CALHM5: variants seen among roughly 807,000 people sequenced by gnomAD.
CALHM5 encodes calcium homeostasis modulator family member 5.
A neutral mutation model predicts 20.9 loss-of-function variants in CALHM5; 17 were observed. That is an observed-to-expected ratio of 0.82 (90% CI 0.56 to 1.22). The LOEUF (loss-of-function observed/expected upper bound fraction) is 1.22. CALHM5 is among the 50% of genes most tolerant of loss of function. The pLI, the probability that CALHM5 is intolerant of heterozygous loss-of-function variation, is 0.00. For synonymous variants in CALHM5, 148 were observed against 140.0 expected, an observed-to-expected ratio of 1.06 and a Z score of -0.40; for missense variants, 360 against 364.6, an observed-to-expected ratio of 0.99 and a Z score of 0.10.
chr6:116,511,786 T>C lies in CALHM5; in HGVS notation c.90T>C (p.Ser30=). Residue 30 remains serine, a synonymous_variant, in exon 1 of 2, where the codon AGT becomes AGC. Coordinates refer to ENST00000368599, the MANE Select transcript of CALHM5 (RefSeq NM_153711.5). ...TCATGGCTCTGCTGACCGTGGGAAGTGAGCGTCTCTTTTCTGTTGTGGCTT... is the reference window on the plus strand; with the variant it reads ...TCATGGCTCTGCTGACCGTGGGAAGCGAGCGTCTCTTTTCTGTTGTGGCTT... The part of the protein sequence containing the change: ...YSFMALLTVG[S]ERLFSVVAFK... The C allele has an allele frequency of 3.7e-6, 6 of 1,614,108 alleles. No individual in the cohort carries two copies. Among genetic ancestry groups the C allele is most frequent in the Non-Finnish European group, 5.1e-6 (6 of 1,179,986 alleles).
At position 116,523,699 on chromosome 6, in the gene CALHM5, C is replaced by T. The variant is rs1583274506; in HGVS notation, c.*7710C>T. 2 of 152,146 alleles carry T rather than the reference C, an allele frequency of 1.3e-5. No individual in the cohort carries two copies. The highest frequency in any genetic ancestry group is 2.9e-5 in the Non-Finnish European group (2 of 68,024). The allele number at this position is 152,146 out of a possible 1,614,324, so 9.4% of individuals were successfully genotyped here. ...AGGCAAGAATAAGTACATAGTATCA[C>T]ATGTGAAATATTGTTTCCTAAGAAG... On this transcript the variant is annotated 3_prime_UTR_variant, in exon 2 of 2. Coordinates refer to ENST00000368599, the MANE Select transcript of CALHM5 (RefSeq NM_153711.5).
chr6:116,522,561 G>A lies in CALHM5; in HGVS notation c.*6572G>A, dbSNP rs1325187298. 1 of 152,180 alleles carries A rather than the reference G, an allele frequency of 6.6e-6. No individual in the cohort carries two copies. Among genetic ancestry groups the A allele is most frequent in the African/African-American group, 2.4e-5 (1 of 41,458 alleles). 9.4% of individuals were successfully genotyped at this position (152,180 alleles called of 1,614,324 possible). A position where few individuals can be genotyped will look rare whatever the true frequency, so the allele number is the denominator to read the frequency against. ...AGCATGATTTGATAGATGCTGATAA[G>A]TAGGTCTCTAAAATCTCTCCACCAA... On this transcript the variant is annotated 3_prime_UTR_variant, in exon 2 of 2. Coordinates refer to ENST00000368599, the MANE Select transcript of CALHM5 (RefSeq NM_153711.5).
rs771518306 is a variant in CALHM5 at position 116,512,066 on chromosome 6, T to C, written c.370T>C (p.Phe124Leu). 6.2e-7 allele frequency: 1 copy of C among 1,614,004 alleles called. No homozygotes were observed. The highest frequency in any genetic ancestry group is 2.2e-5 in the East Asian group (1 of 44,870). The change falls in exon 1 of 2, where the codon TTC (phenylalanine) becomes CTC (leucine). Residue 124 changes from phenylalanine to leucine, a missense_variant. Coordinates refer to ENST00000368599, the MANE Select transcript of CALHM5 (RefSeq NM_153711.5). ...WLSVALLNGT[F>L]YECAMSGTRS... Reference sequence around the variant, plus strand: ...TTCTGTGGCTCTGCTCAATGGAACTTTCTATGAATGTGCCATGAGCGGGAC... The same window carrying C: ...TTCTGTGGCTCTGCTCAATGGAACTCTCTATGAATGTGCCATGAGCGGGAC...
rs1772363237 is a variant in CALHM5, at chr6:116,522,447, C to T, written c.*6458C>T. 1 of 152,168 alleles carries T rather than the reference C, an allele frequency of 6.6e-6. No homozygotes were observed. The highest frequency in any genetic ancestry group is 1.5e-5 in the Non-Finnish European group (1 of 68,022). 9.4% of individuals were successfully genotyped at this position (152,168 alleles called of 1,614,324 possible). On this transcript the variant is annotated 3_prime_UTR_variant, in exon 2 of 2. Coordinates refer to ENST00000368599, the MANE Select transcript of CALHM5 (RefSeq NM_153711.5). ...AAATTACAGGCAAATTGTATTTATA[C>T]ATTTATACATTCTCCCTATGCATAG... is the stretch of plus-strand genomic sequence containing the variant.
rs1294775116 is a variant in CALHM5 at position 116,522,768 on chromosome 6, C to T, written c.*6779C>T. On this transcript the variant is annotated 3_prime_UTR_variant, in exon 2 of 2. Coordinates refer to ENST00000368599, the MANE Select transcript of CALHM5 (RefSeq NM_153711.5). Reference sequence around the variant, plus strand: ...GCTGGAAAGAGATTGTTCTTCTAGTCGTCTCTCAAAATGTTATCTTCAGAC... The same window carrying T: ...GCTGGAAAGAGATTGTTCTTCTAGTTGTCTCTCAAAATGTTATCTTCAGAC... The T allele has an allele frequency of 1.3e-5, 2 of 152,078 alleles. No homozygotes were observed. The highest frequency in any genetic ancestry group is 2.9e-5 in the Non-Finnish European group (2 of 68,020). 9.4% of individuals were successfully genotyped at this position (152,078 alleles called of 1,614,324 possible). A position where few individuals can be genotyped will look rare whatever the true frequency, so the allele number is the denominator to read the frequency against.
rs899583170 is a variant in CALHM5 at position 116,518,008 on chromosome 6, C to G, written c.*2019C>G. 3 of 152,464 alleles carry G rather than the reference C, an allele frequency of 2.0e-5. No individual in the cohort carries two copies. The highest frequency in any genetic ancestry group is 2.9e-5 in the Non-Finnish European group (2 of 68,150). The allele number at this position is 152,464 out of a possible 1,614,324, so 9.4% of individuals were successfully genotyped here. On this transcript the variant is annotated 3_prime_UTR_variant, in exon 2 of 2. Coordinates refer to ENST00000368599, the MANE Select transcript of CALHM5 (RefSeq NM_153711.5). ...CGTGGAAGCTCCGTGCCCCTTCCCC[C>G]AAACCTGTTCCTGTGCCTCCATCTG... is the stretch of plus-strand genomic sequence containing the variant.
In CALHM5 at chr6:116,519,195, G is replaced by C. The variant is rs1772285527; in HGVS notation, c.*3206G>C. On this transcript the variant is annotated 3_prime_UTR_variant, in exon 2 of 2. Transcript: ENST00000368599. Reference sequence around the variant, plus strand: ...GAGGCTGCGCCTGACACAGGGAGCTGTGTATACATGATTTATTAAAAGGAA... The same window carrying C: ...GAGGCTGCGCCTGACACAGGGAGCTCTGTATACATGATTTATTAAAAGGAA... The C allele has an allele frequency of 6.6e-6, 1 of 152,222 alleles. No homozygotes were observed. The allele number at this position is 152,222 out of a possible 1,614,324, so 9.4% of individuals were successfully genotyped here.
chr6:116,511,816 G>C lies in CALHM5; in HGVS notation c.120G>C (p.Lys40Asn). ...SERLFSVVAF[K>N]CPCSTENMTY... The stretch of plus-strand genomic sequence containing the variant: ...GTCTCTTTTCTGTTGTGGCTTTTAA[G>C]TGCCCCTGCAGCACTGAGAATATGA... Residue 40 changes from lysine to asparagine, a missense_variant, in exon 1 of 2, where the codon AAG becomes AAC. Physicochemically the swap from Lys to Asn is moderately conservative, Grantham distance 94. Coordinates refer to ENST00000368599, the MANE Select transcript of CALHM5 (RefSeq NM_153711.5). The C allele has an allele frequency of 2.5e-6, 4 of 1,614,066 alleles. No individual in the cohort carries two copies. Among genetic ancestry groups the C allele is most frequent in the Non-Finnish European group, 3.4e-6 (4 of 1,179,996 alleles).
Position 116,515,754 on chromosome 6 carries a change from A to G in CALHM5, c.695A>G (p.Asp232Gly), listed in dbSNP as rs1772211122. The G allele has an allele frequency of 1.9e-6, 3 of 1,613,858 alleles. No individual in the cohort carries two copies. In the Admixed American group the frequency reaches 5.0e-5, roughly 27 times the overall value. ...GAGCAGTTGGAAAATACATTTCTGG[A>G]CTATGCCAACAAGCTGAGCGAGAGG... ...EKEQLENTFL[D>G]YANKLSERNL... The change falls in exon 2 of 2, where the codon GAC becomes GGC. Residue 232 changes from aspartate (D) to glycine (G), a missense_variant. By Grantham distance (94) the Asp-to-Gly change is moderately conservative. Coordinates refer to ENST00000368599, the MANE Select transcript of CALHM5 (RefSeq NM_153711.5).
In CALHM5 at chr6:116,519,833, A is replaced by G. The variant is rs1772297229; in HGVS notation, c.*3844A>G. 2.6e-5 allele frequency: 4 copies of G among 152,198 alleles called. No individual in the cohort carries two copies. Among genetic ancestry groups the G allele is most frequent in the Admixed American group, 2.6e-4 (4 of 15,274 alleles). 9.4% of individuals were successfully genotyped at this position (152,198 alleles called of 1,614,324 possible). A position where few individuals can be genotyped will look rare whatever the true frequency, so the allele number is the denominator to read the frequency against. On this transcript the variant is annotated 3_prime_UTR_variant, in exon 2 of 2. Transcript: ENST00000368599. ...TCCCATGAATAAATTGTGTACACATATATATATGATTCTTTTGTTTTTCCT... is the reference window on the plus strand; with the variant it reads ...TCCCATGAATAAATTGTGTACACATGTATATATGATTCTTTTGTTTTTCCT...
At position 116,516,156 on chromosome 6, in the gene CALHM5, G is replaced by T; in HGVS notation, c.*167G>T. The T allele has an allele frequency of 1.2e-6, 1 of 850,184 alleles. No individual in the cohort carries two copies. The highest frequency in any genetic ancestry group is 1.7e-6 in the Non-Finnish European group (1 of 596,932). 52.7% of individuals were successfully genotyped at this position (850,184 alleles called of 1,614,324 possible). On this transcript the variant is annotated 3_prime_UTR_variant, in exon 2 of 2. Coordinates refer to ENST00000368599, the MANE Select transcript of CALHM5 (RefSeq NM_153711.5). ...TTTGAAGCTCTCAAGTGGAACATCA[G>T]GATGTGCTCAAATTGATGCTGAGGG...
At chr6:116,513,600 A>C (rs1443870446) in intron 1 of CALHM5, among the ~76,000 whole-genome samples, 1 of 152,198 alleles carries the variant, frequency 6.6e-6, no homozygotes, top group Admixed American at 6.5e-5. Flanking sequence ...CAGAATGAGA[A>C]GGACCTGGGG....
At chr6:116,513,399 A>G (rs900129897) in intron 1 of CALHM5, among the ~76,000 whole-genome samples, 4 of 151,036 alleles carry the variant, frequency 2.6e-5, no homozygotes, top group South Asian at 2.1e-4. Context: ...GAAGAAGGGT[A>G]TAACTTACAA....
Position 116,511,714 on chromosome 6 carries a change from C to T in CALHM5, c.18C>T (p.Gly6=). 6.2e-7 allele frequency: 1 copy of T among 1,613,596 alleles called. No homozygotes were observed. The highest frequency in any genetic ancestry group is 2.2e-5 in the East Asian group (1 of 44,884). ...TCTCCAACATGGATGCTTTTCAGGG[C>T]ATTTTAAAATTCTTCCTTAATCAGA... MDAFQ[G]ILKFFLNQKT... The change falls in exon 1 of 2, where the codon GGC becomes GGT. Residue 6 remains glycine, a synonymous_variant. Coordinates refer to ENST00000368599, the MANE Select transcript of CALHM5 (RefSeq NM_153711.5).
chr6:116,511,667 C>A lies in CALHM5; in HGVS notation c.-30C>A. On this transcript the variant is annotated 5_prime_UTR_variant, in exon 1 of 2. Transcript: ENST00000368599. ...ACAGCTGCTCTGCCAATAACAAAGG[C>A]ACAGCATTTTCCCTCTGTGCATCTC... 1.3e-6 allele frequency: 2 copies of A among 1,597,480 alleles called. No individual in the cohort carries two copies.
rs1338333643 is a variant in CALHM5 at position 116,520,767 on chromosome 6, T to C, written c.*4778T>C. On this transcript the variant is annotated 3_prime_UTR_variant, in exon 2 of 2. Transcript: ENST00000368599. ...GGCTGTGAGGTTGAAATATTGGAAA[T>C]GTTATCTGGATTTCAAACAGTAGAG... 1 of 152,372 alleles carries C rather than the reference T, an allele frequency of 6.6e-6. No individual in the cohort carries two copies. Among genetic ancestry groups the C allele is most frequent in the Admixed American group, 6.6e-5 (1 of 15,260 alleles). The allele number at this position is 152,372 out of a possible 1,614,324, so 9.4% of individuals were successfully genotyped here.
chr6:116,516,679 ATAT>A lies in CALHM5; in HGVS notation c.*691_*693del, dbSNP rs990052607. On this transcript the variant is annotated 3_prime_UTR_variant, in exon 2 of 2. Coordinates refer to ENST00000368599, the MANE Select transcript of CALHM5 (RefSeq NM_153711.5). ...GTAACAAATATATATATATATATAT[ATAT>A]ATATATATATATATATATATATATA... is the stretch of plus-strand genomic sequence containing the variant. 12 of 57,022 alleles carry A rather than the reference ATAT, an allele frequency of 2.1e-4. No homozygotes were observed. Among genetic ancestry groups the A allele is most frequent in the Non-Finnish European group, 5.4e-4 (12 of 22,230 alleles). The allele number at this position is 57,022 out of a possible 1,614,324, so 3.5% of individuals were successfully genotyped here.
At chr6:116,515,262 A>G (rs1357749531) in intron 1 of CALHM5, among the ~76,000 whole-genome samples, 1 of 152,114 alleles carries the variant, frequency 6.6e-6, no homozygotes. Flanking sequence ...TGCACAGAAT[A>G]TTTTCCTATC....
rs1350998470 is a variant in CALHM5 at position 116,522,733 on chromosome 6, C to T, written c.*6744C>T. The T allele has an allele frequency of 1.3e-5, 2 of 152,130 alleles. No homozygotes were observed. The highest frequency in any genetic ancestry group is 2.4e-5 in the African/African-American group (1 of 41,426). 9.4% of individuals were successfully genotyped at this position (152,130 alleles called of 1,614,324 possible). On this transcript the variant is annotated 3_prime_UTR_variant, in exon 2 of 2. Coordinates refer to ENST00000368599, the MANE Select transcript of CALHM5 (RefSeq NM_153711.5). The stretch of plus-strand genomic sequence containing the variant: ...AAGTGAGGGTTTCAGACTAGGCTGG[C>T]CTTCAGTAAGCTGGAAAGAGATTGT...
Sources: gnomAD v4.1 joint callset for allele counts (sites outside exome capture counted in the v4.1 genomes callset) on GRCh38, gnomAD v4.1.1 for gene constraint, MANE v1.5 for transcripts, NCBI Gene and HGNC (gene_info 2026-07-23, HGNC 2026-07-21) for gene names.